GSX2: variants seen among roughly 807,000 people sequenced by gnomAD.
The protein encoded by GSX2 is genetic-screened homeobox 2.
In GSX2, 16 loss-of-function variants were observed where a neutral mutation model predicts 19.2. The observed-to-expected ratio is 0.84, with a 90% CI of 0.57 to 1.27. GSX2 has a LOEUF of 1.27. Among genes scored for constraint, GSX2 ranks in the 50% most tolerant of loss-of-function variants. GSX2 has a pLI of 0.00. For missense variants in GSX2, 448 were observed against 428.4 expected, an observed-to-expected ratio of 1.05 and a Z score of -0.40; for synonymous variants, 217 against 196.4, an observed-to-expected ratio of 1.10 and a Z score of -0.88.
Position 54,100,530 on chromosome 4 carries a change from T to G in GSX2, c.186T>G (p.Pro62=). The G allele has an allele frequency of 1.2e-6, 2 of 1,611,404 alleles. No individual in the cohort carries two copies. The highest frequency in any genetic ancestry group is 1.7e-6 in the Non-Finnish European group (2 of 1,179,506). ...SRKSGAFCVC[P]LCVTSHLHSS... ...AGAGCGGCGCGTTCTGCGTGTGCCC[T>G]CTCTGCGTCACTTCGCACCTGCACT... Residue 62 remains proline, a synonymous_variant, in exon 1 of 2, where the codon CCT becomes CCG. Transcript: ENST00000326902.
In GSX2 at chr4:54,101,924, G is replaced by A. The variant is rs771920825; in HGVS notation, c.*2G>A. ...GACAAGGAGATTTCCCCCTTATGAG[G>A]GAGGGCCTCCTCCCTCACATCCCCC... On this transcript the variant is annotated 3_prime_UTR_variant, in exon 2 of 2. Transcript: ENST00000326902. The surrounding 1 kb of genome is among the most constrained non-coding windows in gnomAD (Gnocchi z 5.0). The A allele has an allele frequency of 1.3e-6, 2 of 1,580,934 alleles. No homozygotes were observed. The highest frequency in any genetic ancestry group is 8.6e-7 in the Non-Finnish European group (1 of 1,161,752).
chr4:54,100,772 A>G lies in GSX2; in HGVS notation c.428A>G (p.Gln143Arg), dbSNP rs1490262047. Residue 143 changes from glutamine to arginine, a missense_variant, in exon 1 of 2, where the codon CAG becomes CGG. Coordinates refer to ENST00000326902, the MANE Select transcript of GSX2 (RefSeq NM_133267.3). ...CACCATCACCATCATCAGCCCCAGC[A>G]GCCTGGCTCGGCCGCGGCGGCGGCA... ...QHHHHHHQPQ[Q>R]PGSAAAAAAA... is the part of the protein sequence containing the mutation. 2.0e-6 allele frequency: 3 copies of G among 1,486,570 alleles called. No individual in the cohort carries two copies. Among genetic ancestry groups the G allele is most frequent in the Non-Finnish European group, 8.9e-7 (1 of 1,124,518 alleles). 92.1% of individuals were successfully genotyped at this position (1,486,570 alleles called of 1,614,324 possible).
In GSX2 at chr4:54,100,875, C is replaced by T; in HGVS notation, c.531C>T (p.Thr177=). Residue 177 remains threonine, a synonymous_variant, in exon 1 of 2, where the codon ACC becomes ACT. Coordinates refer to ENST00000326902, the MANE Select transcript of GSX2 (RefSeq NM_133267.3). ...ACGCACCTGTCTGCACCGCCACCAC[C>T]TACAACGTGGCGGACCCGCGGAGAT... is the stretch of plus-strand genomic sequence containing the variant. The part of the protein sequence containing the change: ...QHHAPVCTAT[T]YNVADPRRFH... 1 of 1,573,554 alleles carries T rather than the reference C, an allele frequency of 6.4e-7. No individual in the cohort carries two copies. The highest frequency in any genetic ancestry group is 8.6e-7 in the Non-Finnish European group (1 of 1,166,884).
rs758632381 is a variant in GSX2, at chr4:54,101,876, T to A, written c.869T>A (p.Leu290Gln). 1.2e-6 allele frequency: 2 copies of A among 1,612,926 alleles called. 1 individual carries two copies. The highest frequency in any genetic ancestry group is 2.2e-5 in the South Asian group (2 of 91,024). Residue 290 changes from leucine to glutamine, a missense_variant, in exon 2 of 2, where the codon CTG (leucine) becomes CAG (glutamine). Physicochemically the swap from Leu to Gln is moderately radical, Grantham distance 113 (BLOSUM62 -2). Coordinates refer to ENST00000326902, the MANE Select transcript of GSX2 (RefSeq NM_133267.3). The surrounding 1 kb of genome is among the most constrained non-coding windows in gnomAD (Gnocchi z 5.0). Reference protein sequence around the residue: ...HYARSEDEDSLSPASANDDKE... With the variant: ...HYARSEDEDSQSPASANDDKE... Reference sequence around the variant, plus strand: ...GCGCGCTCCGAGGATGAGGACTCCCTGTCGCCGGCCTCAGCCAACGATGAC... The same window carrying A: ...GCGCGCTCCGAGGATGAGGACTCCCAGTCGCCGGCCTCAGCCAACGATGAC...
chr4:54,100,376 T>C lies in GSX2; in HGVS notation c.32T>C (p.Ile11Thr). The change falls in exon 1 of 2, where the codon ATC becomes ACC. Residue 11 changes from isoleucine to threonine, a missense_variant. Transcript: ENST00000326902. The part of the protein sequence containing the change: MSRSFYVDSL[I>T]IKDTSRPAPS... ...CGCTCCTTCTATGTCGACTCGCTCA[T>C]CATCAAGGACACCTCACGGCCTGCG... 5.6e-6 allele frequency: 9 copies of C among 1,613,910 alleles called. No individual in the cohort carries two copies. Among genetic ancestry groups the C allele is most frequent in the Non-Finnish European group, 7.6e-6 (9 of 1,179,928 alleles).
chr4:54,101,960 G>C lies in GSX2; in HGVS notation c.*38G>C, dbSNP rs759984634. The stretch of plus-strand genomic sequence containing the variant: ...TCCCTCACATCCCCCGCTCCTGGCA[G>C]ACCAGGCAACGCCAAGGCGTGGGGC... On this transcript the variant is annotated 3_prime_UTR_variant, in exon 2 of 2. Coordinates refer to ENST00000326902, the MANE Select transcript of GSX2 (RefSeq NM_133267.3). This position sits in a 1 kb window ranked among gnomAD's most constrained non-coding sequence, Gnocchi z 5.0. 2.0e-6 allele frequency: 3 copies of C among 1,495,296 alleles called. 1 individual carries two copies. Among genetic ancestry groups the C allele is most frequent in the South Asian group, 2.6e-5 (2 of 76,456 alleles). The allele number at this position is 1,495,296 out of a possible 1,614,324, so 92.6% of individuals were successfully genotyped here. A position where few individuals can be genotyped will look rare whatever the true frequency, so the allele number is the denominator to read the frequency against.
Position 54,100,222 on chromosome 4 carries a change from A to C in GSX2, c.-123A>C. ...CTTTGTTCCCAGCCCAGACGCCAAC[A>C]CCTCTGCGTCCCCAAGGGCTTGACT... is the stretch of plus-strand genomic sequence containing the variant. On this transcript the variant is annotated 5_prime_UTR_variant, in exon 1 of 2. Coordinates refer to ENST00000326902, the MANE Select transcript of GSX2 (RefSeq NM_133267.3). 7.0e-7 allele frequency: 1 copy of C among 1,424,738 alleles called. No homozygotes were observed. Among genetic ancestry groups the C allele is most frequent in the Non-Finnish European group, 9.4e-7 (1 of 1,060,190 alleles). The allele number at this position is 1,424,738 out of a possible 1,614,324, so 88.3% of individuals were successfully genotyped here.
Position 54,100,429 on chromosome 4 carries a change from C to A in GSX2, c.85C>A (p.Pro29Thr), listed in dbSNP as rs769441688. 1 of 1,614,028 alleles carries A rather than the reference C, an allele frequency of 6.2e-7. No individual in the cohort carries two copies. The highest frequency in any genetic ancestry group is 1.1e-5 in the South Asian group (1 of 91,082). The change falls in exon 1 of 2, where the codon CCG becomes ACG. Residue 29 changes from proline (P) to threonine (T), a missense_variant. Physicochemically the swap from Pro to Thr is conservative, Grantham distance 38 (BLOSUM62 -1). Transcript: ENST00000326902. Reference sequence around the variant, plus strand: ...CTCGCTGCCTGAACCGCACCCCGGGCCGGATTTCTTCATCCCGCTTGGCAT... The same window carrying A: ...CTCGCTGCCTGAACCGCACCCCGGGACGGATTTCTTCATCCCGCTTGGCAT... ...APSLPEPHPG[P>T]DFFIPLGMPP...
Position 54,100,839 on chromosome 4 carries a change from C to G in GSX2, c.495C>G (p.His165Gln), listed in dbSNP as rs747519796. 20 of 1,516,952 alleles carry G rather than the reference C, an allele frequency of 1.3e-5. No individual in the cohort carries two copies. The highest frequency in any genetic ancestry group is 4.4e-5 in the Admixed American group (2 of 45,342). 94.0% of individuals were successfully genotyped at this position (1,516,952 alleles called of 1,614,324 possible). Reference protein sequence around the residue: ...AAAAAAAALGHPQHHAPVCTA... With the variant: ...AAAAAAAALGQPQHHAPVCTA... ...CGGCGGCCGCGGCGGCCTTGGGGCA[C>G]CCGCAGCACCACGCACCTGTCTGCA... The change falls in exon 1 of 2, where the codon CAC (histidine) becomes CAG (glutamine). Residue 165 changes from histidine (H) to glutamine (Q), a missense_variant. Physicochemically the swap from His to Gln is conservative, Grantham distance 24. Coordinates refer to ENST00000326902, the MANE Select transcript of GSX2 (RefSeq NM_133267.3).
In GSX2 at chr4:54,100,755, C is replaced by T. The variant is rs1386536232; in HGVS notation, c.411C>T (p.His137=). The T allele has an allele frequency of 1.3e-6, 2 of 1,537,766 alleles. No homozygotes were observed. The highest frequency in any genetic ancestry group is 4.0e-5 in the Admixed American group (2 of 49,482). ...ACCACCCGCCGCAGCACCACCATCA[C>T]CATCATCAGCCCCAGCAGCCTGGCT... The part of the protein sequence containing the change: ...HHHHPPQHHH[H]HHQPQQPGSA... Residue 137 remains histidine (H), a synonymous_variant, in exon 1 of 2, where the codon CAC becomes CAT. Transcript: ENST00000326902.
rs1560411259 is a variant in GSX2 at position 54,101,775 on chromosome 4, G to A, written c.768G>A (p.Lys256=). The A allele has an allele frequency of 6.2e-7, 1 of 1,614,242 alleles. No individual in the cohort carries two copies. The highest frequency in any genetic ancestry group is 8.5e-7 in the Non-Finnish European group (1 of 1,180,048). Residue 256 remains lysine, a synonymous_variant, in exon 2 of 2, where the codon AAG becomes AAA. Transcript: ENST00000326902. The surrounding 1 kb of genome is among the most constrained non-coding windows in gnomAD (Gnocchi z 5.0). ...VKIWFQNRRV[K]HKKEGKGTQR... is the part of the protein sequence containing the mutation. ...TCTGGTTTCAGAACCGCCGAGTGAA[G>A]CACAAGAAGGAGGGGAAGGGCACGC...
At position 54,100,422 on chromosome 4, in the gene GSX2, C is replaced by T; in HGVS notation, c.78C>T (p.His26=). 2.5e-6 allele frequency: 4 copies of T among 1,614,058 alleles called. No homozygotes were observed. Among genetic ancestry groups the T allele is most frequent in the African/African-American group, 1.3e-5 (1 of 75,082 alleles). ...SRPAPSLPEP[H]PGPDFFIPLG... is the part of the protein sequence containing the mutation. ...CTGCGCCCTCGCTGCCTGAACCGCA[C>T]CCCGGGCCGGATTTCTTCATCCCGC... Residue 26 remains histidine, a synonymous_variant, in exon 1 of 2, where the codon CAC becomes CAT. Transcript: ENST00000326902.
Position 54,101,413 on chromosome 4 carries a change from G to C in GSX2, c.575-169G>C, listed in dbSNP as rs550900040. Among the ~76,000 whole-genome samples the C allele has an allele frequency of 7.2e-4, 109 of 152,280 alleles. No homozygotes were observed. Among genetic ancestry groups the C allele is most frequent in the African/African-American group, 2.5e-3 (104 of 41,574 alleles). On this transcript the variant is annotated intron_variant, in intron 1 of 1. Coordinates refer to ENST00000326902, the MANE Select transcript of GSX2 (RefSeq NM_133267.3). This position sits in a 1 kb window ranked among gnomAD's most constrained non-coding sequence, Gnocchi z 5.0. ...TCGAAGACCTTTATTTGCTTTGCAC[G>C]TCTCTTTTCTTCCCCGCTAAGCAAC...
chr4:54,100,673 C>G lies in GSX2; in HGVS notation c.329C>G (p.Ser110Cys). 1 of 1,548,866 alleles carries G rather than the reference C, an allele frequency of 6.5e-7. No homozygotes were observed. The highest frequency in any genetic ancestry group is 8.7e-7 in the Non-Finnish European group (1 of 1,146,296). ...GALPLLKGQF[S>C]SAPGDAQFCP... is the part of the protein sequence containing the mutation. The stretch of plus-strand genomic sequence containing the variant: ...CTGCCTCTGCTTAAGGGCCAGTTCT[C>G]TTCGGCTCCTGGGGACGCGCAGTTT... The change falls in exon 1 of 2, where the codon TCT becomes TGT. Residue 110 changes from serine to cysteine, a missense_variant. By Grantham distance (112) the Ser-to-Cys change is moderately radical. Coordinates refer to ENST00000326902, the MANE Select transcript of GSX2 (RefSeq NM_133267.3).
At position 54,100,404 on chromosome 4, in the gene GSX2, C is replaced by G. The variant is rs148460532; in HGVS notation, c.60C>G (p.Pro20=). Residue 20 remains proline (P), a synonymous_variant, in exon 1 of 2, where the codon CCC becomes CCG. Transcript: ENST00000326902. ...TCAAGGACACCTCACGGCCTGCGCC[C>G]TCGCTGCCTGAACCGCACCCCGGGC... is the stretch of plus-strand genomic sequence containing the variant. ...LIIKDTSRPA[P]SLPEPHPGPD... 6.2e-7 allele frequency: 1 copy of G among 1,613,938 alleles called. No homozygotes were observed. Among genetic ancestry groups the G allele is most frequent in the Non-Finnish European group, 8.5e-7 (1 of 1,179,982 alleles).
In GSX2 at chr4:54,101,896, G is replaced by C. The variant is rs1170284552; in HGVS notation, c.889G>C (p.Asp297His). ...EDSLSPASAN[D>H]DKEISPL ...CTCCCTGTCGCCGGCCTCAGCCAAC[G>C]ATGACAAGGAGATTTCCCCCTTATG... Residue 297 changes from aspartate to histidine, a missense_variant, in exon 2 of 2, where the codon GAT becomes CAT. Physicochemically the swap from Asp to His is moderately conservative, Grantham distance 81 (BLOSUM62 -1). Coordinates refer to ENST00000326902, the MANE Select transcript of GSX2 (RefSeq NM_133267.3). This position sits in a 1 kb window ranked among gnomAD's most constrained non-coding sequence, Gnocchi z 5.0. 1 of 1,609,790 alleles carries C rather than the reference G, an allele frequency of 6.2e-7. No homozygotes were observed. Among genetic ancestry groups the C allele is most frequent in the Non-Finnish European group, 8.5e-7 (1 of 1,177,290 alleles).
rs780026264 is a variant in GSX2 at position 54,100,383 on chromosome 4, G to A, written c.39G>A (p.Lys13=). ...RSFYVDSLII[K]DTSRPAPSLP... ...TCTATGTCGACTCGCTCATCATCAA[G>A]GACACCTCACGGCCTGCGCCCTCGC... is the stretch of plus-strand genomic sequence containing the variant. Residue 13 remains lysine, a synonymous_variant, in exon 1 of 2, where the codon AAG becomes AAA. Coordinates refer to ENST00000326902, the MANE Select transcript of GSX2 (RefSeq NM_133267.3). 5 of 1,613,846 alleles carry A rather than the reference G, an allele frequency of 3.1e-6. No individual in the cohort carries two copies. Among genetic ancestry groups the A allele is most frequent in the Non-Finnish European group, 4.2e-6 (5 of 1,179,950 alleles).
rs1718164345 is a variant in GSX2, at chr4:54,101,030, C to A, written c.574+112C>A. The A allele has an allele frequency of 1.1e-6, 1 of 944,142 alleles. No individual in the cohort carries two copies. Among genetic ancestry groups the A allele is most frequent in the South Asian group, 1.8e-5 (1 of 55,942 alleles). 58.5% of individuals were successfully genotyped at this position (944,142 alleles called of 1,614,324 possible). ...CCGGGGACAGGGTGAAGAGAGAGGA[C>A]GGGCTTTTAGTGTAACCGTAGAGTC... On this transcript the variant is annotated intron_variant, in intron 1 of 1. Coordinates refer to ENST00000326902, the MANE Select transcript of GSX2 (RefSeq NM_133267.3). This position sits in a 1 kb window ranked among gnomAD's most constrained non-coding sequence, Gnocchi z 5.0.
In GSX2 at chr4:54,100,509, C is replaced by G. The variant is rs745621052; in HGVS notation, c.165C>G (p.Ser55Arg). The change falls in exon 1 of 2, where the codon AGC becomes AGG. Residue 55 changes from serine to arginine, a missense_variant. Ser to Arg is a moderately radical substitution (Grantham distance 110). Transcript: ENST00000326902. ...VSGPGCPSRK[S>R]GAFCVCPLCV... ...GCCCCGGCTGCCCGTCCCGCAAGAG[C>G]GGCGCGTTCTGCGTGTGCCCTCTCT... 2 of 1,613,346 alleles carry G rather than the reference C, an allele frequency of 1.2e-6. No homozygotes were observed. The highest frequency in any genetic ancestry group is 2.2e-5 in the South Asian group (2 of 90,996).
Sources: gnomAD v4.1 joint callset for allele counts (sites outside exome capture counted in the v4.1 genomes callset) on GRCh38, gnomAD v4.1.1 for gene constraint, Gnocchi (gnomAD v3.1) non-coding constraint, MANE v1.5 for transcripts, NCBI Gene and HGNC (gene_info 2026-07-23, HGNC 2026-07-21) for gene names.